LOC128125817: variants seen among roughly 807,000 people sequenced by gnomAD.
chr1:41,589,569 C>T, the LOC128125817 span, among the ~76,000 whole-genome samples: 1 of 152,222 alleles, frequency 6.6e-6, no homozygotes, highest in African/African-American at 2.4e-5. Context: ...AGGGTGGACA[C>T]CCCAGAGGAC....
the LOC128125817 span, among the ~76,000 whole-genome samples, chr1:41,593,412 C>T: frequency 3.3e-5 from 5 of 152,158 alleles, no homozygotes; most frequent in Admixed American, 6.5e-5. Flanking sequence ...TGTACTCAAA[C>T]TCAGCCAGTC....
chr1:41,596,773 C>T, the LOC128125817 span, among the ~76,000 whole-genome samples: 1 of 152,270 alleles, frequency 6.6e-6, no homozygotes, highest in East Asian at 1.9e-4. Flanking sequence ...GAGTGCTGGC[C>T]AACATCCAGG....
At chr1:41,591,649 G>A in the LOC128125817 span, among the ~76,000 whole-genome samples, 1 of 152,000 alleles carries the variant, frequency 6.6e-6, no homozygotes, top group East Asian at 1.9e-4. Flanking sequence ...CTGAGATTGA[G>A]ACTTTGCAGC....
chr1:41,605,293 G>T, the LOC128125817 span, among the ~76,000 whole-genome samples: 1 of 151,512 alleles, frequency 6.6e-6, no homozygotes, highest in Non-Finnish European at 1.5e-5. Context: ...ACTCCGAAGG[G>T]GCATGAAGCA....
chr1:41,605,174 A>AGGGGG, the LOC128125817 span, among the ~76,000 whole-genome samples: 3 of 32,854 alleles, frequency 9.1e-5, no homozygotes, highest in African/African-American at 3.8e-4. Flanking sequence ...AGGGGAGGGG[A>AGGGGG]GGGGAGGGGA....
the LOC128125817 span, among the ~76,000 whole-genome samples, chr1:41,586,512 A>C: frequency 6.9e-6 from 1 of 145,500 alleles, no homozygotes; most frequent in Non-Finnish European, 1.6e-5. Flanking sequence ...TGGGTGAGTG[A>C]TGAGCATCTC....
chr1:41,623,672 C>T, the LOC128125817 span, among the ~76,000 whole-genome samples: 1 of 152,182 alleles, frequency 6.6e-6, no homozygotes, highest in Non-Finnish European at 1.5e-5. Flanking sequence ...TGGGCTTTGC[C>T]TCAAATGCCT....
At chr1:41,594,887 C>A in the LOC128125817 span, among the ~76,000 whole-genome samples, 1 of 152,136 alleles carries the variant, frequency 6.6e-6, no homozygotes, top group Non-Finnish European at 1.5e-5. Context: ...CACCTTGGCT[C>A]CATCTGGCAC....
At chr1:41,605,722 G>A in the LOC128125817 span, among the ~76,000 whole-genome samples, 1 of 152,074 alleles carries the variant, frequency 6.6e-6, no homozygotes, top group African/African-American at 2.4e-5. Flanking sequence ...GAGCAGAAAA[G>A]GGGATGAGTG....
At chr1:41,597,037 C>G in the LOC128125817 span, among the ~76,000 whole-genome samples, 4 of 152,122 alleles carry the variant, frequency 2.6e-5, no homozygotes, top group African/African-American at 9.7e-5. Flanking sequence ...TAAATCATTT[C>G]CCTTGGATGA....
At chr1:41,628,492 T>G in the LOC128125817 span, among the ~76,000 whole-genome samples, 1 of 151,954 alleles carries the variant, frequency 6.6e-6, no homozygotes, top group Non-Finnish European at 1.5e-5. Flanking sequence ...GAAACTGAGG[T>G]ACTGGGAGGG....
the LOC128125817 span, among the ~76,000 whole-genome samples, chr1:41,593,049 G>T: frequency 6.6e-6 from 1 of 152,118 alleles, no homozygotes; most frequent in African/African-American, 2.4e-5. Flanking sequence ...TTTGGGCTTG[G>T]GTTCCTACCC....
chr1:41,619,348 G>A, the LOC128125817 span, among the ~76,000 whole-genome samples: 1 of 152,144 alleles, frequency 6.6e-6, no homozygotes, highest in Non-Finnish European at 1.5e-5. Flanking sequence ...CTGCCACCTT[G>A]TCACATACTA....
chr1:41,614,096 G>A, the LOC128125817 span, among the ~76,000 whole-genome samples: 2 of 152,360 alleles, frequency 1.3e-5, no homozygotes, highest in East Asian at 3.9e-4. Flanking sequence ...TCCGGCAGCA[G>A]ATGTCTGTGA....
chr1:41,625,210 G>T, the LOC128125817 span, among the ~76,000 whole-genome samples: 1 of 130,638 alleles, frequency 7.7e-6, no homozygotes, highest in African/African-American at 3.1e-5. Context: ...TTAATACTTT[G>T]CAGTCAAGCC....
the LOC128125817 span, among the ~76,000 whole-genome samples, chr1:41,604,072 G>T: frequency 1.4e-4 from 22 of 152,240 alleles, no homozygotes. Flanking sequence ...AACTCTTCTT[G>T]TGCATTGTTA....
chr1:41,610,697 G>A, the LOC128125817 span, among the ~76,000 whole-genome samples: 2 of 152,222 alleles, frequency 1.3e-5, no homozygotes, highest in African/African-American at 4.8e-5. Flanking sequence ...GCTCCACCCA[G>A]GGAGCCCGGT....
the LOC128125817 span, among the ~76,000 whole-genome samples, chr1:41,607,407 A>G: frequency 6.6e-6 from 1 of 152,198 alleles, no homozygotes; most frequent in Non-Finnish European, 1.5e-5. Flanking sequence ...ATATTTTACA[A>G]TTTCAGCAAG....
At chr1:41,628,620 C>T in the LOC128125817 span, 1 of 758,186 alleles carries the variant, frequency 1.3e-6, no homozygotes, top group Non-Finnish European at 1.8e-6. Context: ...CACAGAGGCA[C>T]CAGAAAGGCA....
Sources: allele counts gnomAD v4.1 joint callset (sites outside exome capture counted in the v4.1 genomes callset), GRCh38; gene constraint gnomAD v4.1.1; transcripts MANE v1.5.